COL11A1: variants seen among roughly 807,000 people sequenced by gnomAD.
The protein encoded by COL11A1 is collagen type XI alpha 1 chain.
A neutral mutation model predicts 265.2 loss-of-function variants in COL11A1; 74 were observed. The observed-to-expected ratio is 0.28, with a 90% CI of 0.23 to 0.34. The LOEUF is 0.34. Among genes scored for constraint, COL11A1 ranks in the 10% least tolerant of loss-of-function variants. COL11A1 has a pLI of 1.00. For missense variants in COL11A1, 2,165 were observed against 2,263.6 expected, an observed-to-expected ratio of 0.96 and a Z score of 0.88; for synonymous variants, 816 against 727.6, an observed-to-expected ratio of 1.12 and a Z score of -1.96.
Position 103,029,570 on chromosome 1 carries a change from T to A in COL11A1, c.780+1546A>T, listed in dbSNP as rs567634780. On this transcript the variant is annotated intron_variant, in intron 5 of 66. Coordinates refer to ENST00000370096, the MANE Select transcript of COL11A1 (RefSeq NM_001854.4). ...CTAATTCTTTCTTAAAGAAAAAACTTTTTCATTATGACTTACTCAATCTAA... is the reference window on the plus strand; with the variant it reads ...CTAATTCTTTCTTAAAGAAAAAACTATTTCATTATGACTTACTCAATCTAA... 4.6e-4 allele frequency among the ~76,000 whole-genome samples: 70 copies of A among 152,076 alleles called. 4 individuals carry two copies. In the South Asian group the frequency reaches 0.014, roughly 31 times the overall value.
intron 15 of COL11A1, among the ~76,000 whole-genome samples, chr1:103,007,018 T>C (rs1665690023): frequency 6.6e-6 from 1 of 152,134 alleles, no homozygotes; most frequent in Non-Finnish European, 1.5e-5. Flanking sequence ...GGATGTTCTT[T>C]ACTAGATATT....
chr1:103,036,145 G>T (rs932860769), intron 4 of COL11A1, among the ~76,000 whole-genome samples: 21 of 151,264 alleles, frequency 1.4e-4, no homozygotes, highest in African/African-American at 4.8e-4. Flanking sequence ...TCCTAGCTTT[G>T]CCATTAACTA....
chr1:103,006,289 A>G lies in COL11A1; in HGVS notation c.1710T>C (p.Pro570=). 1 of 1,609,732 alleles carries G rather than the reference A, an allele frequency of 6.2e-7. No individual in the cohort carries two copies. Among genetic ancestry groups the G allele is most frequent in the South Asian group, 1.1e-5 (1 of 90,638 alleles). ...TTTTTCCAGGTTTTCCCGTTGGACC[A>G]GGGGGACCCTGGACGCCTCGAGGGC... is the stretch of plus-strand genomic sequence containing the variant. ...PQGPRGVQGP[P]GPTGKPGKRG... Residue 570 remains proline (P), a synonymous_variant, in exon 16 of 67, where the codon CCT becomes CCC. Coordinates refer to ENST00000370096, the MANE Select transcript of COL11A1 (RefSeq NM_001854.4).
At chr1:103,034,852 C>T (rs1303072828) in intron 4 of COL11A1, among the ~76,000 whole-genome samples, 1 of 152,072 alleles carries the variant, frequency 6.6e-6, no homozygotes, top group African/African-American at 2.4e-5. Context: ...TCCCCTTCCG[C>T]CAGGCCTACT....
intron 11 of COL11A1, among the ~76,000 whole-genome samples, chr1:103,016,568 T>G (rs1387694017): frequency 5.9e-5 from 9 of 151,946 alleles, no homozygotes; most frequent in Non-Finnish European, 1.0e-4. Context: ...GGGAAGCAAG[T>G]AAATTCAAAA....
chr1:102,877,737 A>T lies in COL11A1; in HGVS notation c.*282T>A. On this transcript the variant is annotated 3_prime_UTR_variant, in exon 67 of 67. Coordinates refer to ENST00000370096, the MANE Select transcript of COL11A1 (RefSeq NM_001854.4). ...ATATATTTTTCTTTTTTTGTTTTCTACAGCACCAAAGAAATTCAAATAGGA... is the reference window on the plus strand; with the variant it reads ...ATATATTTTTCTTTTTTTGTTTTCTTCAGCACCAAAGAAATTCAAATAGGA... The T allele has an allele frequency of 2.7e-6, 1 of 364,538 alleles. No homozygotes were observed. The highest frequency in any genetic ancestry group is 5.1e-6 in the Non-Finnish European group (1 of 195,944). 22.6% of individuals were successfully genotyped at this position (364,538 alleles called of 1,614,324 possible).
At chr1:102,976,444 A>AC (rs1662501094) in intron 35 of COL11A1, among the ~76,000 whole-genome samples, 1 of 151,600 alleles carries the variant, frequency 6.6e-6, no homozygotes, top group Admixed American at 6.6e-5. Flanking sequence ...GATTACAGGC[A>AC]CCCACCACCA....
At chr1:102,924,616 T>A (rs1656378284) in intron 46 of COL11A1, among the ~76,000 whole-genome samples, 1 of 152,186 alleles carries the variant, frequency 6.6e-6, no homozygotes, top group South Asian at 2.1e-4. Context: ...GTTTGTTGAA[T>A]GAATGAACTC....
intron 48 of COL11A1, 63 bp downstream of exon 48, chr1:102,921,455 T>G (rs182349797): frequency 1.5e-6 from 2 of 1,299,924 alleles, no homozygotes; most frequent in Non-Finnish European, 2.2e-6. Flanking sequence ...AAAGAGCATC[T>G]GCTATAAAAT....
At position 103,086,409 on chromosome 1, in the gene COL11A1, T is replaced by TTTTGTTTGTTTG. The variant is rs560314023; in HGVS notation, c.107-3449_107-3438dup. ...GACTGCAAAGTCCACAACGTATCTA[T>TTTTGTTTGTTTG]TTTGTTTGTTTGTTTGTTTGTTTTT... On this transcript the variant is annotated intron_variant, in intron 1 of 66. Transcript: ENST00000370096. Among the ~76,000 whole-genome samples the TTTTGTTTGTTTG allele has an allele frequency of 8.6e-5, 13 of 151,960 alleles. 1 individual carries two copies. The East Asian group carries it at 1.6e-3, about 18-fold the overall frequency.
At position 103,074,836 on chromosome 1, in the gene COL11A1, C is replaced by T. The variant is rs188973806; in HGVS notation, c.489-56G>A. 1.0e-5 allele frequency: 16 copies of T among 1,572,356 alleles called. No individual in the cohort carries two copies. In the Admixed American group the frequency reaches 2.5e-4, roughly 25 times the overall value. On this transcript the variant is annotated intron_variant, in intron 3 of 66. Transcript: ENST00000370096. ...TTCAAAGAAACAGTGGTTGCCAAAG[C>T]AGTATTCACATAAAAATGCTGTGTA... is the stretch of plus-strand genomic sequence containing the variant.
chr1:103,073,174 G>A lies in COL11A1; in HGVS notation c.651+1444C>T, dbSNP rs192592650. Among the ~76,000 whole-genome samples the A allele has an allele frequency of 2.3e-4, 35 of 151,794 alleles. No individual in the cohort carries two copies. In the East Asian group the frequency reaches 5.8e-3, roughly 25 times the overall value. On this transcript the variant is annotated intron_variant, in intron 4 of 66. Coordinates refer to ENST00000370096, the MANE Select transcript of COL11A1 (RefSeq NM_001854.4). Reference sequence around the variant, plus strand: ...TTTTAATAGCTTCTCCAACTAAAGAGCTGAAGTTACTCCAGGATTCAGAAT... The same window carrying A: ...TTTTAATAGCTTCTCCAACTAAAGAACTGAAGTTACTCCAGGATTCAGAAT...
At chr1:103,071,222 C>T (rs1671559146) in intron 4 of COL11A1, among the ~76,000 whole-genome samples, 1 of 151,258 alleles carries the variant, frequency 6.6e-6, no homozygotes, top group Non-Finnish European at 1.5e-5. Flanking sequence ...ATATGAAAGA[C>T]CTGCAATAAT....
intron 5 of COL11A1, 36 bp downstream of exon 5, chr1:103,031,080 A>T (rs747028918): frequency 1.2e-6 from 2 of 1,612,146 alleles, no homozygotes; most frequent in Admixed American, 1.7e-5. Flanking sequence ...CATATCACTG[A>T]AATACGAAGA....
intron 42 of COL11A1, 112 bp from the exon 43 acceptor site, chr1:102,940,546 A>G: frequency 1.3e-6 from 1 of 796,376 alleles, no homozygotes; most frequent in South Asian, 1.6e-5. Context: ...TTTTAGAAAA[A>G]CATTTTAAAG....
intron 1 of COL11A1, among the ~76,000 whole-genome samples, chr1:103,086,925 A>G (rs1672921979): frequency 6.6e-6 from 1 of 152,146 alleles, no homozygotes; most frequent in African/African-American, 2.4e-5. Flanking sequence ...CTACTTTGAA[A>G]TTCTGCCTGT....
At chr1:103,021,257 TATC>T (rs932973983) in intron 9 of COL11A1, among the ~76,000 whole-genome samples, 3 of 151,688 alleles carry the variant, frequency 2.0e-5, no homozygotes, top group South Asian at 2.1e-4. Flanking sequence ...AAGTAAAAAA[TATC>T]ATATGACACA....
intron 4 of COL11A1, among the ~76,000 whole-genome samples, chr1:103,060,380 A>G (rs1272877781): frequency 6.6e-6 from 1 of 152,204 alleles, no homozygotes. Context: ...AATAAAAATT[A>G]TATAAGTGAG....
At chr1:102,983,811 G>T (rs1316991614) in intron 31 of COL11A1, among the ~76,000 whole-genome samples, 5 of 151,634 alleles carry the variant, frequency 3.3e-5, no homozygotes, top group Non-Finnish European at 5.9e-5. Context: ...TAGGATAATA[G>T]AAAGGAAATC....
Sources: allele counts gnomAD v4.1 joint callset (sites outside exome capture counted in the v4.1 genomes callset), GRCh38; gene constraint gnomAD v4.1.1; transcripts MANE v1.5; gene names NCBI Gene and HGNC (gene_info 2026-07-23, HGNC 2026-07-21).